Variants in NRXN3 observed in about 807,000 individuals in gnomAD.
NRXN3 encodes neurexin 3, also known as neurexin III.
A neutral mutation model predicts 137.6 loss-of-function variants in NRXN3; 32 were observed. The ratio of observed to expected loss-of-function variants is 0.23; its 90% CI spans 0.18 to 0.31. The LOEUF is 0.31. NRXN3 is among the 10% of genes least tolerant of loss of function. The pLI, the probability that NRXN3 is intolerant of heterozygous loss-of-function variation, is 1.00. For synonymous variants in NRXN3, 798 were observed against 784.5 expected (o/e 1.02, Z -0.29); for missense variants, 1,574 against 2,062.5 (o/e 0.76, Z 4.59).
chr14:78,933,702 C>T (rs1171196983), intron 10 of NRXN3, among the ~76,000 whole-genome samples: 1 of 152,138 alleles, frequency 6.6e-6, no homozygotes, highest in East Asian at 1.9e-4. Context: ...CACACAAACA[C>T]ACATAATGAA....
intron 4 of NRXN3, among the ~76,000 whole-genome samples, chr14:78,578,599 A>G (rs1434812008): frequency 1.3e-5 from 2 of 152,236 alleles, no homozygotes; most frequent in Non-Finnish European, 2.9e-5. Context: ...AGTGGGGATT[A>G]GCTCAAGAAT....
intron 4 of NRXN3, among the ~76,000 whole-genome samples, chr14:78,373,191 A>T (rs2087183492): frequency 6.6e-6 from 1 of 152,254 alleles, no homozygotes. Flanking sequence ...GGAGCCTTTT[A>T]CAGTGGATAT....
intron 8 of NRXN3, among the ~76,000 whole-genome samples, chr14:78,757,407 C>A (rs1199383414): frequency 2.5e-5 from 2 of 78,830 alleles, no homozygotes; most frequent in African/African-American, 4.7e-4. Flanking sequence ...GATTCCATCT[C>A]TTAAAAAAAA....
At chr14:78,610,514 T>A (rs2097291726) in intron 4 of NRXN3, among the ~76,000 whole-genome samples, 1 of 152,290 alleles carries the variant, frequency 6.6e-6, no homozygotes, top group South Asian at 2.1e-4. Context: ...ATTTGCAAAC[T>A]GTCTCTGTTT....
At chr14:78,760,355 T>G (rs1250434084) in intron 8 of NRXN3, among the ~76,000 whole-genome samples, 1 of 151,222 alleles carries the variant, frequency 6.6e-6, no homozygotes, top group African/African-American at 2.4e-5. Flanking sequence ...GCCTGTAGTC[T>G]TAATACACCA....
At chr14:78,878,494 GA>G (rs1353430969) in intron 10 of NRXN3, among the ~76,000 whole-genome samples, 2 of 152,120 alleles carry the variant, frequency 1.3e-5, no homozygotes, top group Non-Finnish European at 2.9e-5. Context: ...TTAAGTGAAA[GA>G]AATTTTTTTT....
chr14:78,496,648 T>G (rs1265095189), intron 4 of NRXN3, among the ~76,000 whole-genome samples: 1 of 152,074 alleles, frequency 6.6e-6, no homozygotes. Context: ...ACAAGTAAAT[T>G]CCTTTTATAG....
chr14:78,422,284 A>C (rs567357500), intron 4 of NRXN3, among the ~76,000 whole-genome samples: 6 of 152,316 alleles, frequency 3.9e-5, no homozygotes, highest in Non-Finnish European at 8.8e-5. Flanking sequence ...AACACTTCAG[A>C]ACTCTTATCA....
intron 4 of NRXN3, among the ~76,000 whole-genome samples, chr14:78,597,770 C>G (rs922568602): frequency 2.0e-5 from 3 of 152,218 alleles, no homozygotes; most frequent in Non-Finnish European, 4.4e-5. Context: ...TCTGTATTTT[C>G]CCATATTTCA....
intron 10 of NRXN3, among the ~76,000 whole-genome samples, chr14:78,889,047 A>C (rs796133992): frequency 5.6e-4 from 85 of 152,124 alleles, no homozygotes; most frequent in African/African-American, 1.9e-3. Context: ...CATCTGAGAA[A>C]ATACCTTAGA....
intron 15 of NRXN3, among the ~76,000 whole-genome samples, chr14:79,209,802 T>C (rs1190943731): frequency 1.3e-5 from 2 of 152,188 alleles, no homozygotes; most frequent in Non-Finnish European, 2.9e-5. Flanking sequence ...AATGAATAAA[T>C]ATTGGTCCTC....
In NRXN3 at chr14:79,141,327, T is replaced by C. The variant is rs572431894; in HGVS notation, c.3262+153186T>C. 1.9e-4 allele frequency among the ~76,000 whole-genome samples: 29 copies of C among 152,340 alleles called. 1 individual carries two copies. In the South Asian group the frequency reaches 4.3e-3, roughly 23 times the overall value. On this transcript the variant is annotated intron_variant, in intron 15 of 20. Coordinates refer to ENST00000335750, the MANE Select transcript of NRXN3 (RefSeq NM_001330195.2). ...TTTTCTATGAAGGATTGTCCCCTTG[T>C]CCATATCACATGTTATCTATCATCC...
intron 15 of NRXN3, among the ~76,000 whole-genome samples, chr14:79,121,686 C>G (rs1430690350): frequency 6.6e-6 from 1 of 152,204 alleles, no homozygotes; most frequent in African/African-American, 2.4e-5. Context: ...ACAGACTTCA[C>G]AAGAACTCAT....
At position 79,647,678 on chromosome 14, in the gene NRXN3, G is replaced by A. The variant is rs969093540; in HGVS notation, c.3445-16100G>A. Among the ~76,000 whole-genome samples the A allele has an allele frequency of 9.6e-5, 13 of 135,354 alleles. 1 individual carries two copies. The highest frequency in any genetic ancestry group is 3.2e-4 in the African/African-American group (13 of 40,738). The allele number at this position is 135,354 out of a possible 152,430, so 88.8% of individuals were successfully genotyped here. On this transcript the variant is annotated intron_variant, in intron 16 of 20. Transcript: ENST00000335750. The stretch of plus-strand genomic sequence containing the variant: ...GACCCATCTCTCTGAAGCAGCAGTT[G>A]GGCCATTACATTTTGGCAGGCACTT...
At chr14:78,952,978 G>A (rs31366) in intron 10 of NRXN3, among the ~76,000 whole-genome samples, 1,608 of 152,244 alleles carry the variant, frequency 0.011, 25 homozygotes, top group African/African-American at 0.037. Flanking sequence ...TGGTTTAGTT[G>A]GTTTGGCCAG....
chr14:78,887,019 C>T (rs1425830047), intron 10 of NRXN3, among the ~76,000 whole-genome samples: 1 of 152,074 alleles, frequency 6.6e-6, no homozygotes, highest in Non-Finnish European at 1.5e-5. Flanking sequence ...CCTCTTTAGT[C>T]TTTGTATATT....
intron 16 of NRXN3, among the ~76,000 whole-genome samples, chr14:79,521,362 A>G (rs998523410): frequency 2.0e-5 from 3 of 152,134 alleles, no homozygotes; most frequent in Non-Finnish European, 2.9e-5. Context: ...AGTGCTCAAT[A>G]TATTTAAACC....
intron 15 of NRXN3, among the ~76,000 whole-genome samples, chr14:79,051,549 AAAG>A: frequency 1.3e-5 from 2 of 152,300 alleles, no homozygotes; most frequent in Middle Eastern, 6.8e-3. Context: ...AGTCGGCACT[AAAG>A]AAAATTTCCT....
chr14:79,233,865 A>T (rs983214976), intron 15 of NRXN3, among the ~76,000 whole-genome samples: 4 of 151,874 alleles, frequency 2.6e-5, no homozygotes, highest in Non-Finnish European at 5.9e-5. Flanking sequence ...TTGGTTTTGT[A>T]TTTTTTTCTA....
Sources: gnomAD v4.1 joint callset for allele counts (sites outside exome capture counted in the v4.1 genomes callset) on GRCh38, gnomAD v4.1.1 for gene constraint, MANE v1.5 for transcripts, NCBI Gene and HGNC (gene_info 2026-07-23, HGNC 2026-07-21) for gene names.